The following ZNF614 variants were observed in gnomAD, a reference collection of about 807,000 sequenced individuals.
The protein encoded by ZNF614 is zinc finger protein 614.
In ZNF614, 11 loss-of-function variants were observed where a neutral mutation model predicts 12.8. The observed-to-expected ratio is 0.86, with a 90% CI of 0.54 to 1.43. The LOEUF (loss-of-function observed/expected upper bound fraction) is 1.43. Among genes scored for constraint, ZNF614 ranks in the 40% most tolerant of loss-of-function variants. The pLI is 0.00. For missense variants in ZNF614, 664 were observed against 708.8 expected (o/e 0.94, Z 0.72); for synonymous variants, 237 against 237.5 (o/e 1.00, Z 0.02).
At position 52,014,758 on chromosome 19, in the gene ZNF614, C is replaced by T. The variant is rs552346137; in HGVS notation, c.*1082G>A. ...GTGGGAGAAATGGGGCACAAAGTCTCCATCCTCTAGTTACTTGATCTTCCT... is the reference window on the plus strand; with the variant it reads ...GTGGGAGAAATGGGGCACAAAGTCTTCATCCTCTAGTTACTTGATCTTCCT... On this transcript the variant is annotated 3_prime_UTR_variant, in exon 5 of 5. Transcript: ENST00000270649. 2.0e-5 allele frequency: 3 copies of T among 152,270 alleles called. No individual in the cohort carries two copies. The highest frequency in any genetic ancestry group is 7.2e-5 in the African/African-American group (3 of 41,542). 9.4% of individuals were successfully genotyped at this position (152,270 alleles called of 1,614,324 possible).
rs757171078 is a variant in ZNF614 at position 52,016,482 on chromosome 19, C to T, written c.1116G>A (p.Met372Ile). The T allele has an allele frequency of 2.2e-5, 36 of 1,612,242 alleles. No individual in the cohort carries two copies. Among genetic ancestry groups the T allele is most frequent in the African/African-American group, 1.9e-4 (14 of 74,254 alleles). The change falls in exon 5 of 5, where the codon ATG becomes ATA. Residue 372 changes from methionine (M) to isoleucine (I), a missense_variant. Transcript: ENST00000270649. ...QRTHTGEKPY[M>I]CSECGKGFTV... ...TAAAGCCTTTTCCACATTCACTGCA[C>T]ATATAGGGTTTCTCTCCAGTATGAG...
intron 2 of ZNF614, among the ~76,000 whole-genome samples, chr19:52,022,699 C>T (rs139378939): frequency 6.6e-6 from 1 of 151,974 alleles, no homozygotes; most frequent in African/African-American, 2.4e-5. Context: ...TCCCACAAAC[C>T]CCTCCTCAGG....
Position 52,016,070 on chromosome 19 carries a change from G to A in ZNF614, c.1528C>T (p.Pro510Ser). Residue 510 changes from proline to serine, a missense_variant, in exon 5 of 5, where the codon CCT becomes TCT. Coordinates refer to ENST00000270649, the MANE Select transcript of ZNF614 (RefSeq NM_025040.4). ...TTTCCACATTCATTGCACTCATAAGGTTTCTCTCCTGTGTGAATTCTCTGA... is the reference window on the plus strand; with the variant it reads ...TTTCCACATTCATTGCACTCATAAGATTTCTCTCCTGTGTGAATTCTCTGA... ...THQRIHTGEK[P>S]YECNECGKAF... 1 of 1,613,838 alleles carries A rather than the reference G, an allele frequency of 6.2e-7. No homozygotes were observed. Among genetic ancestry groups the A allele is most frequent in the Non-Finnish European group, 8.5e-7 (1 of 1,179,956 alleles).
intron 2 of ZNF614, among the ~76,000 whole-genome samples, chr19:52,019,935 G>C (rs190422327): frequency 6.6e-6 from 1 of 152,210 alleles, no homozygotes; most frequent in East Asian, 1.9e-4. Context: ...ATGAGAGTGC[G>C]CAAGTGCTCA....
chr19:52,016,273 A>G lies in ZNF614; in HGVS notation c.1325T>C (p.Leu442Pro), dbSNP rs568147214. Residue 442 changes from leucine to proline, a missense_variant, in exon 5 of 5, where the codon CTT (leucine) becomes CCT (proline). Leu to Pro is a moderately conservative substitution (Grantham distance 98). Coordinates refer to ENST00000270649, the MANE Select transcript of ZNF614 (RefSeq NM_025040.4). Reference sequence around the variant, plus strand: ...TGTATGAGTTCGCTGATGTATAATAAGAGTGCGCTTTGTGGTGAAGCCTTT... The same window carrying G: ...TGTATGAGTTCGCTGATGTATAATAGGAGTGCGCTTTGTGGTGAAGCCTTT... ...CGKGFTTKRTLIIHQRTHTGE... is the reference protein window; with the variant it reads ...CGKGFTTKRTPIIHQRTHTGE... The G allele has an allele frequency of 5.0e-6, 8 of 1,614,154 alleles. No individual in the cohort carries two copies. In the South Asian group the frequency reaches 7.7e-5, roughly 16 times the overall value.
chr19:52,014,220 A>G lies in ZNF614; in HGVS notation c.*1620T>C, dbSNP rs2086882965. ...CAAATAAATTCTCTAATTCTCCCAC[A>G]CCAATTGGGTGTTCTACAATTCAAT... On this transcript the variant is annotated 3_prime_UTR_variant, in exon 5 of 5. Coordinates refer to ENST00000270649, the MANE Select transcript of ZNF614 (RefSeq NM_025040.4). 1 of 152,188 alleles carries G rather than the reference A, an allele frequency of 6.6e-6. No homozygotes were observed. The allele number at this position is 152,188 out of a possible 1,614,324, so 9.4% of individuals were successfully genotyped here.
intron 2 of ZNF614, among the ~76,000 whole-genome samples, chr19:52,020,906 C>T (rs1313366940): frequency 6.6e-6 from 1 of 152,220 alleles, no homozygotes; most frequent in African/African-American, 2.4e-5. Flanking sequence ...TTCTTTATTA[C>T]ACTCTAGGTG....
intron 1 of ZNF614, among the ~76,000 whole-genome samples, chr19:52,027,856 A>G (rs60316943): frequency 0.055 from 8,442 of 152,312 alleles, 753 homozygotes; most frequent in African/African-American, 0.19. Context: ...CTTGAACAAC[A>G]TTATCAACCA....
chr19:52,024,525 T>C (rs921322268), intron 2 of ZNF614, among the ~76,000 whole-genome samples: 7 of 151,930 alleles, frequency 4.6e-5, no homozygotes, highest in South Asian at 2.1e-4. Context: ...TGTGTCTATG[T>C]AGAAAGAAGT....
chr19:52,017,543 A>G (rs1228485978), intron 4 of ZNF614, 184 bp from the exon 5 acceptor site: 2 of 547,676 alleles, frequency 3.7e-6, no homozygotes, highest in Non-Finnish European at 6.3e-6. Flanking sequence ...CTCTACTAAA[A>G]TTACAAAATT....
At position 52,015,954 on chromosome 19, in the gene ZNF614, G is replaced by A. The variant is rs1600033997; in HGVS notation, c.1644C>T (p.Phe548=). Residue 548 remains phenylalanine (F), a synonymous_variant, in exon 5 of 5, where the codon TTC becomes TTT. Transcript: ENST00000270649. The stretch of plus-strand genomic sequence containing the variant: ...GTTTGACAAGGTTTGATAAGTGGGA[G>A]AAGGCTTTCTCACAATCACTGCATC... ...PYGCSDCEKA[F]SHLSNLVKHK... is the part of the protein sequence containing the mutation. 1 of 1,614,206 alleles carries A rather than the reference G, an allele frequency of 6.2e-7. No homozygotes were observed. Among genetic ancestry groups the A allele is most frequent in the Non-Finnish European group, 8.5e-7 (1 of 1,180,024 alleles).
Position 52,016,111 on chromosome 19 carries a change from T to C in ZNF614, c.1487A>G (p.Tyr496Cys). The change falls in exon 5 of 5, where the codon TAT (tyrosine) becomes TGT (cysteine). Residue 496 changes from tyrosine (Y) to cysteine (C), a missense_variant. Physicochemically the swap from Tyr to Cys is radical, Grantham distance 194. Coordinates refer to ENST00000270649, the MANE Select transcript of ZNF614 (RefSeq NM_025040.4). ...AATTCTCTGATGGGTAATGAGGCCA[T>C]ATTTGTGTGAATAGGATTTTCCGCA... Reference protein sequence around the residue: ...TECGKSYSHKYGLITHQRIHT... With the variant: ...TECGKSYSHKCGLITHQRIHT... The C allele has an allele frequency of 2.5e-6, 4 of 1,614,088 alleles. No individual in the cohort carries two copies. Among genetic ancestry groups the C allele is most frequent in the South Asian group, 2.2e-5 (2 of 91,074 alleles).
In ZNF614 at chr19:52,016,190, G is replaced by A; in HGVS notation, c.1408C>T (p.Leu470Phe). The A allele has an allele frequency of 6.2e-7, 1 of 1,614,036 alleles. No homozygotes were observed. Among genetic ancestry groups the A allele is most frequent in the South Asian group, 1.1e-5 (1 of 91,086 alleles). Residue 470 changes from leucine (L) to phenylalanine (F), a missense_variant, in exon 5 of 5, where the codon CTC becomes TTC. Physicochemically the swap from Leu to Phe is conservative, Grantham distance 22 (BLOSUM62 0). Coordinates refer to ENST00000270649, the MANE Select transcript of ZNF614 (RefSeq NM_025040.4). The part of the protein sequence containing the change: ...CGKAFSQKIC[L>F]IQHERCHTGK... Reference sequence around the variant, plus strand: ...GTATGACATCTCTCATGTTGTATGAGGCATATTTTCTGGCTGAAGGCTTTA... The same window carrying A: ...GTATGACATCTCTCATGTTGTATGAAGCATATTTTCTGGCTGAAGGCTTTA...
chr19:52,018,106 G>T lies in ZNF614; in HGVS notation c.143-3C>A. ...ATCTGGTTTGCTAGTTTGATACCCTGTTCATGAGGAAAGACAAACACAAAC... is the reference window on the plus strand; with the variant it reads ...ATCTGGTTTGCTAGTTTGATACCCTTTTCATGAGGAAAGACAAACACAAAC... On this transcript the variant is annotated splice_polypyrimidine_tract_variant and splice_region_variant and intron_variant, in intron 3 of 4. Coordinates refer to ENST00000270649, the MANE Select transcript of ZNF614 (RefSeq NM_025040.4). The T allele has an allele frequency of 1.2e-6, 2 of 1,612,956 alleles. No homozygotes were observed. Among genetic ancestry groups the T allele is most frequent in the Non-Finnish European group, 1.7e-6 (2 of 1,179,062 alleles).
chr19:52,022,936 C>T (rs995992309), intron 2 of ZNF614, among the ~76,000 whole-genome samples: 11 of 151,446 alleles, frequency 7.3e-5, no homozygotes, highest in African/African-American at 1.5e-4. Flanking sequence ...AAAAATTAGC[C>T]GGGTGTGGTG....
In ZNF614 at chr19:52,025,782, C is replaced by G; in HGVS notation, c.-37G>C. 6.2e-7 allele frequency: 1 copy of G among 1,610,234 alleles called. No individual in the cohort carries two copies. The highest frequency in any genetic ancestry group is 1.3e-5 in the African/African-American group (1 of 74,848). On this transcript the variant is annotated 5_prime_UTR_variant, in exon 2 of 5. Transcript: ENST00000270649. ...CTCAGAAAATAGTGGATAACATGGA[C>G]TATACGTCTTTGTCTCTTCTGCATT...
At chr19:52,021,973 A>G (rs1287775519) in intron 2 of ZNF614, among the ~76,000 whole-genome samples, 1 of 152,220 alleles carries the variant, frequency 6.6e-6, no homozygotes, top group Non-Finnish European at 1.5e-5. Context: ...ATGACAGAAT[A>G]AATAATCCAA....
At chr19:52,026,528 A>C (rs1287607461) in intron 1 of ZNF614, among the ~76,000 whole-genome samples, 1 of 152,204 alleles carries the variant, frequency 6.6e-6, no homozygotes, top group African/African-American at 2.4e-5. Flanking sequence ...ACCTCTGCCT[A>C]GGAAAACCAG....
At position 52,025,841 on chromosome 19, in the gene ZNF614, A is replaced by C; in HGVS notation, c.-96T>G. 7.4e-7 allele frequency: 1 copy of C among 1,342,644 alleles called. No individual in the cohort carries two copies. The highest frequency in any genetic ancestry group is 1.0e-6 in the Non-Finnish European group (1 of 954,894). 83.2% of individuals were successfully genotyped at this position (1,342,644 alleles called of 1,614,324 possible). On this transcript the variant is annotated 5_prime_UTR_variant, in exon 2 of 5. It adds an upstream start codon to the 5' untranslated region. Coordinates refer to ENST00000270649, the MANE Select transcript of ZNF614 (RefSeq NM_025040.4). ...AGTTTTTGAAGTTTTCCTAGTCAGAAATATTAGTGTCCACTTAAAGTTGTC... is the reference window on the plus strand; with the variant it reads ...AGTTTTTGAAGTTTTCCTAGTCAGACATATTAGTGTCCACTTAAAGTTGTC...
Sources: allele counts gnomAD v4.1 joint callset (sites outside exome capture counted in the v4.1 genomes callset), GRCh38; gene constraint gnomAD v4.1.1; transcripts MANE v1.5; gene names NCBI Gene and HGNC (gene_info 2026-07-23, HGNC 2026-07-21).